The following ZFHX3 variants were observed in gnomAD, a reference collection of about 807,000 sequenced individuals.
ZFHX3 encodes zinc finger homeobox 3, also known as zinc finger homeobox protein 3.
In ZFHX3, 42 loss-of-function variants were observed where a neutral mutation model predicts 279.1. That is an observed-to-expected ratio of 0.15 (90% CI 0.12 to 0.19). The LOEUF (loss-of-function observed/expected upper bound fraction) is 0.19. Among genes scored for constraint, ZFHX3 ranks in the 10% least tolerant of loss-of-function variants. The pLI is 1.00. For synonymous variants in ZFHX3, 2,293 were observed against 1,957.8 expected (o/e 1.17, Z -4.52); for missense variants, 4,981 against 4,754.0 (o/e 1.05, Z -1.40).
chr16:72,871,135 A>G (rs1428884054), intron 4 of ZFHX3, among the ~76,000 whole-genome samples: 2 of 152,206 alleles, frequency 1.3e-5, no homozygotes, highest in East Asian at 3.9e-4. Context: ...TATGTAAAGT[A>G]CATTACTTTT....
chr16:73,148,559 T>C (rs1053297706), intron 5 of ZFHX3, among the ~76,000 whole-genome samples: 23 of 135,326 alleles, frequency 1.7e-4, no homozygotes, highest in Non-Finnish European at 3.4e-4. Flanking sequence ...GCTGGGCTTT[T>C]TTTTTTTTTT....
In ZFHX3 at chr16:73,694,503, C is replaced by T. The variant is rs1043333818; in HGVS notation, c.-1607-14263G>A. Among the ~76,000 whole-genome samples, 3 of 151,978 alleles carry T rather than the reference C, an allele frequency of 2.0e-5. No homozygotes were observed. The South Asian group carries it at 6.2e-4, about 32-fold the overall frequency. ...GGGCTACAGACGCATGTCACCATGC[C>T]TGGCTAATTTTTGTATTTTTAGTAG... is the stretch of plus-strand genomic sequence containing the variant. On this transcript the variant is annotated intron_variant, in intron 1 of 17. Coordinates refer to the ZFHX3 transcript ENST00000641206.
At chr16:73,263,667 G>C (rs1387442448) in intron 4 of ZFHX3, among the ~76,000 whole-genome samples, 1 of 152,196 alleles carries the variant, frequency 6.6e-6, no homozygotes, top group Middle Eastern at 3.2e-3. Flanking sequence ...TTCTGCAGCA[G>C]CAGCAAGAGA....
chr16:73,823,072 G>C (rs561783462), intron 1 of ZFHX3, among the ~76,000 whole-genome samples: 1 of 152,114 alleles, frequency 6.6e-6, no homozygotes, highest in Non-Finnish European at 1.5e-5. Flanking sequence ...CCAGTGAAAG[G>C]GACAGACATT....
rs983637554 is a variant in ZFHX3 at position 72,940,865 on chromosome 16, G to C, written c.3216+9604C>G. 8.5e-5 allele frequency among the ~76,000 whole-genome samples: 13 copies of C among 152,344 alleles called. No homozygotes were observed. In the South Asian group the frequency reaches 1.5e-3, roughly 17 times the overall value. ...TAGTTTGCCTTTTACAGAACCAGGA[G>C]GGGGACCCTAGAGAACATCTCCTAA... On this transcript the variant is annotated intron_variant, in intron 3 of 9. Transcript: ENST00000268489.
At chr16:73,530,582 G>C (rs796657648) in intron 2 of ZFHX3, among the ~76,000 whole-genome samples, 1 of 152,136 alleles carries the variant, frequency 6.6e-6, no homozygotes, top group Non-Finnish European at 1.5e-5. Flanking sequence ...AAAGGGGTCT[G>C]TGGACCCCTT....
At chr16:73,146,715 G>C (rs1205600945) in intron 5 of ZFHX3, among the ~76,000 whole-genome samples, 1 of 151,962 alleles carries the variant, frequency 6.6e-6, no homozygotes, top group East Asian at 1.9e-4. Flanking sequence ...CCAGGCTGGA[G>C]TGCAGTGCCA....
chr16:73,498,547 G>C (rs2019180388), intron 2 of ZFHX3, among the ~76,000 whole-genome samples: 1 of 152,216 alleles, frequency 6.6e-6, no homozygotes, highest in African/African-American at 2.4e-5. Context: ...TTATGGAAAA[G>C]CGATAGCAAC....
At chr16:73,175,600 G>T (rs1485767952) in intron 5 of ZFHX3, among the ~76,000 whole-genome samples, 1 of 152,190 alleles carries the variant, frequency 6.6e-6, no homozygotes. Context: ...GGCCATGATA[G>T]GTGCTCGATA....
intron 4 of ZFHX3, among the ~76,000 whole-genome samples, chr16:72,855,420 G>C (rs181464454): frequency 6.6e-6 from 1 of 152,254 alleles, no homozygotes; most frequent in Admixed American, 6.5e-5. Flanking sequence ...ACCCATTATA[G>C]AAGGGCAGGC....
rs10654824 is a variant in ZFHX3, at chr16:73,778,236, T to TAAA, written c.-1607-97999_-1607-97997dup. Among the ~76,000 whole-genome samples the TAAA allele has an allele frequency of 4.9e-3, 289 of 58,702 alleles. 45 individuals carry two copies. The highest frequency in any genetic ancestry group is 0.043 in the Middle Eastern group (2 of 46). The allele number at this position is 58,702 out of a possible 152,430, so 38.5% of individuals were successfully genotyped here. A position where few individuals can be genotyped will look rare whatever the true frequency, so the allele number is the denominator to read the frequency against. ...ACTACCTTTACTGTTGAAGGAGTGT[T>TAAA]AAAAAAAAAAAAAAAAAAAAAAAAA... is the stretch of plus-strand genomic sequence containing the variant. On this transcript the variant is annotated intron_variant, in intron 1 of 17. Coordinates refer to the ZFHX3 transcript ENST00000641206.
intron 2 of ZFHX3, among the ~76,000 whole-genome samples, chr16:73,523,854 A>G (rs1482756392): frequency 6.6e-6 from 1 of 152,120 alleles, no homozygotes; most frequent in Non-Finnish European, 1.5e-5. Flanking sequence ...ATAGAAGCAG[A>G]GGTGGTTAAA....
intron 8 of ZFHX3, among the ~76,000 whole-genome samples, chr16:73,074,871 G>A (rs1965868401): frequency 6.6e-6 from 1 of 152,044 alleles, no homozygotes; most frequent in South Asian, 2.1e-4. Context: ...CACAATCTCA[G>A]TTCACTACAA....
At chr16:73,590,861 T>C (rs1341933058) in intron 2 of ZFHX3, among the ~76,000 whole-genome samples, 3 of 152,170 alleles carry the variant, frequency 2.0e-5, no homozygotes, top group South Asian at 2.1e-4. Flanking sequence ...GAATCATGTG[T>C]CATCTCCTGA....
rs576930308 is a variant in ZFHX3 at position 73,087,074 on chromosome 16, C to A, written c.-533+6161G>T. Among the ~76,000 whole-genome samples, 11 of 152,110 alleles carry A rather than the reference C, an allele frequency of 7.2e-5. No homozygotes were observed. The South Asian group carries it at 8.3e-4, about 12-fold the overall frequency. On this transcript the variant is annotated intron_variant, in intron 8 of 17. Transcript: ENST00000641206. ...CACATGTATCAAAATATTACATGTG[C>A]CCCCCGAAATAGGTACAACTATTAT...
chr16:73,179,203 G>A (rs1967735047), intron 5 of ZFHX3, among the ~76,000 whole-genome samples: 1 of 152,154 alleles, frequency 6.6e-6, no homozygotes, highest in African/African-American at 2.4e-5. Flanking sequence ...ACTATACATT[G>A]ATTTTTACCA....
At chr16:73,027,205 T>C (rs1040329717) in intron 1 of ZFHX3, among the ~76,000 whole-genome samples, 2 of 152,246 alleles carry the variant, frequency 1.3e-5, no homozygotes, top group Non-Finnish European at 2.9e-5. Flanking sequence ...TGCCAACATG[T>C]GTTGGGTCGG....
intron 1 of ZFHX3, among the ~76,000 whole-genome samples, chr16:73,043,407 C>T (rs1270891641): frequency 2.6e-5 from 4 of 152,192 alleles, no homozygotes; most frequent in African/African-American, 9.7e-5. Context: ...CAAAATGGGG[C>T]TGAATTTGCC....
At chr16:73,035,165 G>T (rs1484086297) in intron 1 of ZFHX3, among the ~76,000 whole-genome samples, 3 of 151,486 alleles carry the variant, frequency 2.0e-5, no homozygotes, top group Non-Finnish European at 4.4e-5. Flanking sequence ...AAAAAAAAGG[G>T]ATGTAAAATA....
Sources: gnomAD v4.1 joint callset for allele counts (sites outside exome capture counted in the v4.1 genomes callset) on GRCh38, gnomAD v4.1.1 for gene constraint, MANE v1.5 for transcripts, NCBI Gene and HGNC (gene_info 2026-07-23, HGNC 2026-07-21) for gene names.